The following CA10 variants were observed in gnomAD, a reference collection of about 807,000 sequenced individuals.
CA10 encodes carbonic anhydrase 10 (inactive), also known as carbonic anhydrase-related protein 10.
Under a neutral mutation model 44.2 loss-of-function variants are expected in CA10, and 14 were observed. The observed-to-expected ratio is 0.32, with a 90% CI of 0.21 to 0.50. The LOEUF (loss-of-function observed/expected upper bound fraction) is 0.50, where lower values mean the gene tolerates loss of function less well. Ranked by LOEUF, CA10 falls within the 20% of genes least tolerant of loss-of-function variation. CA10 has a pLI of 0.99. For synonymous variants in CA10, 159 were observed against 141.6 expected (o/e 1.12, Z -0.87); for missense variants, 350 against 409.7 (o/e 0.85, Z 1.26).
chr17:51,894,185 C>T (rs756070182), intron 3 of CA10, among the ~76,000 whole-genome samples: 4 of 152,014 alleles, frequency 2.6e-5, no homozygotes, highest in Admixed American at 6.6e-5. Context: ...AAAGAAGAGG[C>T]TTTCTCAGCA....
chr17:51,999,823 A>T (rs920979383), intron 2 of CA10, among the ~76,000 whole-genome samples: 5 of 152,030 alleles, frequency 3.3e-5, no homozygotes, highest in Admixed American at 1.3e-4. Context: ...ACCAAGACAC[A>T]GAAGCAGTAG....
At chr17:51,820,027 T>G (rs1355405748) in intron 3 of CA10, among the ~76,000 whole-genome samples, 1 of 152,122 alleles carries the variant, frequency 6.6e-6, no homozygotes, top group Non-Finnish European at 1.5e-5. Flanking sequence ...TTTTCTCACT[T>G]AATCATTATA....
At chr17:52,139,763 C>T (rs145662628) in intron 1 of CA10, among the ~76,000 whole-genome samples, 162 of 152,142 alleles carry the variant, frequency 1.1e-3, no homozygotes, top group African/African-American at 3.7e-3. Flanking sequence ...TACCTGGGTG[C>T]CTGTCTCCTC....
rs201096877 is a variant in CA10, at chr17:51,849,225, A to ATG, written c.279+81763_279+81764dup. On this transcript the variant is annotated intron_variant, in intron 3 of 8. Coordinates refer to ENST00000451037, the MANE Select transcript of CA10 (RefSeq NM_020178.5). ...TATATGTATATATATATATACATAT[A>ATG]TGTGTGTGTATATATATATATATAT... 5.4e-3 allele frequency among the ~76,000 whole-genome samples: 160 copies of ATG among 29,824 alleles called. 1 individual carries two copies. The highest frequency in any genetic ancestry group is 0.016 in the Middle Eastern group (1 of 64). 19.6% of individuals were successfully genotyped at this position (29,824 alleles called of 152,430 possible). A position where few individuals can be genotyped will look rare whatever the true frequency, so the allele number is the denominator to read the frequency against.
chr17:51,826,161 G>A (rs188634232), intron 3 of CA10, among the ~76,000 whole-genome samples: 1 of 152,190 alleles, frequency 6.6e-6, no homozygotes, highest in Non-Finnish European at 1.5e-5. Context: ...ACTGCGGATG[G>A]AAATTATAAA....
chr17:51,748,220 C>A (rs1904775205), intron 3 of CA10, among the ~76,000 whole-genome samples: 2 of 152,080 alleles, frequency 1.3e-5, no homozygotes, highest in Non-Finnish European at 2.9e-5. Context: ...ATTAAGAAGG[C>A]CAAATGAGAC....
At chr17:51,643,434 G>C (rs530349425) in intron 6 of CA10, among the ~76,000 whole-genome samples, 24 of 152,316 alleles carry the variant, frequency 1.6e-4, no homozygotes, top group Middle Eastern at 3.4e-3. Flanking sequence ...CCAGTCTGTT[G>C]AAGGGGAATT....
In CA10 at chr17:52,009,779, G is replaced by T. The variant is rs1304528342; in HGVS notation, c.136+62540C>A. On this transcript the variant is annotated intron_variant, in intron 2 of 8. Transcript: ENST00000451037. Reference sequence around the variant, plus strand: ...GACTTAATTAAACTAAAAAGCTTCTGCACAGCAAAAGAAATAAATCAGCAG... The same window carrying T: ...GACTTAATTAAACTAAAAAGCTTCTTCACAGCAAAAGAAATAAATCAGCAG... Among the ~76,000 whole-genome samples, 4 of 152,070 alleles carry T rather than the reference G, an allele frequency of 2.6e-5. No individual in the cohort carries two copies. In the East Asian group the frequency reaches 7.8e-4, roughly 30 times the overall value.
At chr17:52,091,707 A>C (rs919981628) in intron 1 of CA10, among the ~76,000 whole-genome samples, 18 of 152,198 alleles carry the variant, frequency 1.2e-4, no homozygotes, top group African/African-American at 4.3e-4. Context: ...TTGCAGTTGT[A>C]CAAGACAATG....
intron 4 of CA10, among the ~76,000 whole-genome samples, chr17:51,727,526 T>C (rs552508527): frequency 2.1e-4 from 32 of 152,220 alleles, no homozygotes; most frequent in African/African-American, 7.5e-4. Context: ...CAGTGGCTCA[T>C]GTGGGTCCTG....
chr17:51,964,229 A>G lies in CA10; in HGVS notation c.137-33097T>C, dbSNP rs369285106. Among the ~76,000 whole-genome samples, 43 of 152,280 alleles carry G rather than the reference A, an allele frequency of 2.8e-4. No individual in the cohort carries two copies. In the East Asian group the frequency reaches 7.5e-3, roughly 27 times the overall value. On this transcript the variant is annotated intron_variant, in intron 2 of 8. Transcript: ENST00000451037. ...AAGAAGCCTTTACTATCCTAAATAT[A>G]TATGCATCCAACATTGGAGCACACA... is the stretch of plus-strand genomic sequence containing the variant.
At chr17:51,820,405 A>ACCCCCCCCCC (rs748623140) in intron 3 of CA10, among the ~76,000 whole-genome samples, 1 of 39,172 alleles carries the variant, frequency 2.6e-5, no homozygotes, top group Non-Finnish European at 4.1e-5. Context: ...GGATTCCCCT[A>ACCCCCCCCCC]CCCCCCCCCC....
intron 3 of CA10, chr17:51,763,243 T>C (rs1310311410): frequency 6.6e-6 from 1 of 152,234 alleles, no homozygotes; most frequent in Non-Finnish European, 1.5e-5. Flanking sequence ...GTTTGCGTCT[T>C]TAATATAGTG....
intron 3 of CA10, among the ~76,000 whole-genome samples, chr17:51,803,486 T>C (rs966506412): frequency 1.3e-5 from 2 of 152,014 alleles, no homozygotes; most frequent in African/African-American, 4.8e-5. Context: ...CAATCTAATA[T>C]AGCCACCAAA....
intron 3 of CA10, among the ~76,000 whole-genome samples, chr17:51,791,434 T>C (rs114410081): frequency 6.6e-6 from 1 of 152,214 alleles, no homozygotes; most frequent in Non-Finnish European, 1.5e-5. Flanking sequence ...TGGTGCACAG[T>C]GGGTGTTCAA....
intron 3 of CA10, among the ~76,000 whole-genome samples, chr17:51,894,929 T>C (rs1346698171): frequency 6.6e-6 from 1 of 152,082 alleles, no homozygotes; most frequent in Admixed American, 6.6e-5. Flanking sequence ...ACTTGAGTTT[T>C]CAGAGAAGAA....
intron 3 of CA10, among the ~76,000 whole-genome samples, chr17:51,881,603 A>G (rs1980379731): frequency 1.3e-5 from 2 of 152,240 alleles, no homozygotes; most frequent in South Asian, 4.1e-4. Context: ...CTGATAGAAA[A>G]AAAGAACGGG....
chr17:51,960,681 T>C (rs1392170944), intron 2 of CA10, among the ~76,000 whole-genome samples: 1 of 152,168 alleles, frequency 6.6e-6, no homozygotes, highest in Non-Finnish European at 1.5e-5. Context: ...AAAGACCATC[T>C]GATCATAGCA....
At chr17:51,675,597 TC>T (rs1406685115) in intron 4 of CA10, among the ~76,000 whole-genome samples, 2 of 146,128 alleles carry the variant, frequency 1.4e-5, no homozygotes, top group African/African-American at 5.1e-5. Flanking sequence ...GCACCTGTAA[TC>T]CCAGCTACTC....
Sources: gnomAD v4.1 joint callset for allele counts (sites outside exome capture counted in the v4.1 genomes callset) on GRCh38, gnomAD v4.1.1 for gene constraint, MANE v1.5 for transcripts, NCBI Gene and HGNC (gene_info 2026-07-23, HGNC 2026-07-21) for gene names.